NBPF15: variants seen among roughly 807,000 people sequenced by gnomAD.
NBPF15 encodes NBPF member 15.
A neutral mutation model predicts 62.2 loss-of-function variants in NBPF15; 74 were observed. That is an observed-to-expected ratio of 1.19 (90% CI 0.99 to 1.44). NBPF15 has a LOEUF of 1.44. Ranked by LOEUF, NBPF15 falls within the 40% of genes most tolerant of loss-of-function variation. NBPF15 has a pLI of 0.00. For synonymous variants in NBPF15, 244 were observed against 209.7 expected (o/e 1.16, Z -1.41); for missense variants, 790 against 550.0 (o/e 1.44, Z -4.36).
chr1:144,435,447 A>G, intron 11 of NBPF15, 131 bp from the exon 12 acceptor site: 1 of 1,419,326 alleles, frequency 7.0e-7, no homozygotes, highest in Non-Finnish European at 9.9e-7. Context: ...CGTTCCCATT[A>G]AGAGGGAACA....
intron 9 of NBPF15, among the ~76,000 whole-genome samples, 169 bp from the exon 10 acceptor site, chr1:144,437,278 A>C (rs1250747936): frequency 6.6e-6 from 1 of 151,780 alleles, no homozygotes; most frequent in East Asian, 1.9e-4. Flanking sequence ...AAAATGGTTT[A>C]CAGGCTTCCT....
intron 4 of NBPF15, among the ~76,000 whole-genome samples, chr1:144,451,278 A>T (rs1358586848): frequency 6.6e-6 from 1 of 151,994 alleles, no homozygotes; most frequent in African/African-American, 2.4e-5. Context: ...TCCCACCTCC[A>T]GTCCTAAGGC....
chr1:144,434,847 GC>G, intron 12 of NBPF15, among the ~76,000 whole-genome samples: 1 of 152,078 alleles, frequency 6.6e-6, no homozygotes, highest in African/African-American at 2.4e-5. Flanking sequence ...AAGCTAGGAG[GC>G]CTGACAGATA....
chr1:144,424,084 T>A (rs1667769720), intron 20 of NBPF15, 109 bp from the exon 21 acceptor site: 5 of 756,384 alleles, frequency 6.6e-6, no homozygotes, highest in South Asian at 1.4e-5. Context: ...AGCATAAGAA[T>A]ACGACACCAT....
chr1:144,442,155 T>A lies in NBPF15; in HGVS notation c.-190-1860A>T, dbSNP rs1275965148. ...TGTATATATATATATATAATATATA[T>A]ACACGTGTATATATATATATATATA... On this transcript the variant is annotated intron_variant, in intron 6 of 21. Coordinates refer to ENST00000581897, the MANE Select transcript of NBPF15 (RefSeq NM_001385408.1). Among the ~76,000 whole-genome samples, 6 of 3,474 alleles carry A rather than the reference T, an allele frequency of 1.7e-3. 2 individuals carry two copies. Among genetic ancestry groups the A allele is most frequent in the African/African-American group, 4.6e-3 (6 of 1,296 alleles). The allele number at this position is 3,474 out of a possible 152,430, so 2.3% of individuals were successfully genotyped here.
At chr1:144,451,377 C>T (rs1553545464) in intron 4 of NBPF15, among the ~76,000 whole-genome samples, 1 of 151,540 alleles carries the variant, frequency 6.6e-6, no homozygotes, top group Non-Finnish European at 1.5e-5. Flanking sequence ...AGACAGATGC[C>T]TTCCTCTTAT....
chr1:144,421,442 G>C lies in NBPF15; in HGVS notation c.*1571C>G, dbSNP rs1340117922. ...CATCAGTACCCACCAAAACCAATCA[G>C]CATAATCAAATATTATAACACTGAA... On this transcript the variant is annotated 3_prime_UTR_variant, in exon 22 of 22. Coordinates refer to ENST00000581897, the MANE Select transcript of NBPF15 (RefSeq NM_001385408.1). 56 of 151,596 alleles carry C rather than the reference G, an allele frequency of 3.7e-4. No homozygotes were observed. The highest frequency in any genetic ancestry group is 1.4e-3 in the African/African-American group (56 of 41,356). 9.4% of individuals were successfully genotyped at this position (151,596 alleles called of 1,614,324 possible). A position where few individuals can be genotyped will look rare whatever the true frequency, so the allele number is the denominator to read the frequency against.
intron 2 of NBPF15, among the ~76,000 whole-genome samples, chr1:144,459,878 G>C (rs1419456573): frequency 1.3e-5 from 2 of 151,618 alleles, no homozygotes; most frequent in Admixed American, 6.6e-5. Context: ...AACCACTTTG[G>C]GAAAACGTTC....
chr1:144,442,207 T>A (rs1192250447), intron 6 of NBPF15, among the ~76,000 whole-genome samples: 1 of 99,424 alleles, frequency 1.0e-5, no homozygotes, highest in African/African-American at 5.5e-5. Flanking sequence ...ATATATATTA[T>A]TAATATATAT....
In NBPF15 at chr1:144,449,564, A is replaced by G. The variant is rs587646282; in HGVS notation, c.-332-648T>C. 2.6e-4 allele frequency among the ~76,000 whole-genome samples: 40 copies of G among 152,084 alleles called. 1 individual carries two copies. Among genetic ancestry groups the G allele is most frequent in the African/African-American group, 9.6e-4 (40 of 41,502 alleles). On this transcript the variant is annotated intron_variant, in intron 5 of 21. Coordinates refer to ENST00000581897, the MANE Select transcript of NBPF15 (RefSeq NM_001385408.1). The stretch of plus-strand genomic sequence containing the variant: ...ATCTCAAAAACATTTTGAGTGCAAT[A>G]GGAGCCATACGCAAAAGAGTGTGAG...
At position 144,461,295 on chromosome 1, in the gene NBPF15, AC is replaced by A. The variant is rs1406971845; in HGVS notation, c.-938+85del. 13 of 94,558 alleles carry A rather than the reference AC, an allele frequency of 1.4e-4. No individual in the cohort carries two copies. In the East Asian group the frequency reaches 4.0e-3, roughly 29 times the overall value. 5.9% of individuals were successfully genotyped at this position (94,558 alleles called of 1,614,324 possible). On this transcript the variant is annotated intron_variant, in intron 1 of 21. Coordinates refer to ENST00000581897, the MANE Select transcript of NBPF15 (RefSeq NM_001385408.1). ...GGAACACACGCCCTCCCAACCCCCC[AC>A]CCCGCCTCGCCCTCCGTCGCTCGCA...
chr1:144,454,967 T>G (rs1693463550), intron 4 of NBPF15, among the ~76,000 whole-genome samples: 1 of 151,446 alleles, frequency 6.6e-6, no homozygotes, highest in African/African-American at 2.4e-5. Flanking sequence ...AATGTAGATT[T>G]CAGTGCAGTG....
chr1:144,433,444 T>A (rs1675975175), intron 13 of NBPF15, among the ~76,000 whole-genome samples: 1 of 149,526 alleles, frequency 6.7e-6, no homozygotes, highest in African/African-American at 2.5e-5. Context: ...AAGAAGTAAC[T>A]AAGATCAGAG....
chr1:144,455,871 C>T (rs1357455631), intron 4 of NBPF15, among the ~76,000 whole-genome samples: 1 of 152,008 alleles, frequency 6.6e-6, no homozygotes, highest in Non-Finnish European at 1.5e-5. Flanking sequence ...CTAATAGTCA[C>T]CCCATGAATG....
At chr1:144,435,739 T>G in intron 11 of NBPF15, 42 bp downstream of exon 11, 1 of 719,456 alleles carries the variant, frequency 1.4e-6, no homozygotes, top group Non-Finnish European at 2.6e-6. Flanking sequence ...ATATTCCTCA[T>G]ATGTTACCAT....
chr1:144,450,547 C>T (rs1294243880), intron 5 of NBPF15, among the ~76,000 whole-genome samples: 8 of 150,300 alleles, frequency 5.3e-5, no homozygotes, highest in African/African-American at 2.0e-4. Flanking sequence ...CGGATTTTAG[C>T]CTCACATGAC....
intron 3 of NBPF15, among the ~76,000 whole-genome samples, chr1:144,457,418 C>T (rs1408191658): frequency 1.3e-5 from 2 of 151,914 alleles, no homozygotes; most frequent in Admixed American, 6.6e-5. Flanking sequence ...TTAGCAGCAA[C>T]ACATACAAAG....
chr1:144,432,048 G>C (rs1341059110), intron 13 of NBPF15, among the ~76,000 whole-genome samples: 4 of 151,980 alleles, frequency 2.6e-5, no homozygotes, highest in Non-Finnish European at 5.9e-5. Flanking sequence ...TCTAGTTCTA[G>C]ATCCCTGAGG....
rs1201099052 is a variant in NBPF15, at chr1:144,422,549, G to T, written c.*464C>A. The T allele has an allele frequency of 6.2e-6, 1 of 161,554 alleles. No individual in the cohort carries two copies. Among genetic ancestry groups the T allele is most frequent in the East Asian group, 1.5e-4 (1 of 6,876 alleles). The allele number at this position is 161,554 out of a possible 1,614,324, so 10.0% of individuals were successfully genotyped here. A position where few individuals can be genotyped will look rare whatever the true frequency, so the allele number is the denominator to read the frequency against. The stretch of plus-strand genomic sequence containing the variant: ...TTCTGAAATACAATCCTCAGCCAAG[G>T]ATCCCTCCTGTGTTACAGATGGATC... On this transcript the variant is annotated 3_prime_UTR_variant, in exon 22 of 22. Transcript: ENST00000581897.
Sources: allele counts gnomAD v4.1 joint callset (sites outside exome capture counted in the v4.1 genomes callset), GRCh38; gene constraint gnomAD v4.1.1; transcripts MANE v1.5; gene names NCBI Gene and HGNC (gene_info 2026-07-23, HGNC 2026-07-21).